The following CDH10 variants were observed in gnomAD, a reference collection of about 807,000 sequenced individuals.
The protein encoded by CDH10 is cadherin-10.
A neutral mutation model predicts 73.1 loss-of-function variants in CDH10; 30 were observed. That is an observed-to-expected ratio of 0.41 (90% confidence interval 0.31 to 0.56). The LOEUF (loss-of-function observed/expected upper bound fraction) is 0.56, where lower values mean the gene tolerates loss of function less well. CDH10 is among the 20% of genes least tolerant of loss of function. The probability of loss-of-function intolerance (pLI) is 0.27; values close to 1 mark genes in which losing one functional copy is unlikely to be tolerated. For missense variants in CDH10, 815 were observed against 973.7 expected, an observed-to-expected ratio of 0.84 and a Z score of 2.17; for synonymous variants, 345 against 348.2, an observed-to-expected ratio of 0.99 and a Z score of 0.10.
chr5:24,549,079 G>A (rs1411419571), intron 2 of CDH10, among the ~76,000 whole-genome samples: 1 of 152,138 alleles, frequency 6.6e-6, no homozygotes, highest in African/African-American at 2.4e-5. Context: ...ACAGAAAAAT[G>A]TAAGTTTAAT....
intron 2 of CDH10, among the ~76,000 whole-genome samples, chr5:24,541,985 T>C (rs1744172791): frequency 1.3e-5 from 2 of 152,246 alleles, no homozygotes; most frequent in Admixed American, 1.3e-4. Context: ...TTATATTGAG[T>C]AATTTTAATA....
chr5:24,502,204 G>C (rs1254786180), intron 8 of CDH10, among the ~76,000 whole-genome samples: 1 of 152,142 alleles, frequency 6.6e-6, no homozygotes, highest in African/African-American at 2.4e-5. Context: ...TTACAGGCGT[G>C]AGCCACCGCG....
chr5:24,568,894 G>T (rs1018158441), intron 2 of CDH10, among the ~76,000 whole-genome samples: 4 of 151,906 alleles, frequency 2.6e-5, no homozygotes, highest in Admixed American at 6.6e-5. Flanking sequence ...GGTGGATCAC[G>T]AGGTCAGGAG....
chr5:24,634,465 G>A (rs1281871311), intron 1 of CDH10, among the ~76,000 whole-genome samples: 5 of 151,516 alleles, frequency 3.3e-5, no homozygotes, highest in Admixed American at 2.6e-4. Flanking sequence ...TAGCCATCCT[G>A]ATGAATAAGC....
chr5:24,509,860 T>A (rs766262119), intron 6 of CDH10, 41 bp from the exon 7 acceptor site: 9 of 1,440,680 alleles, frequency 6.2e-6, no homozygotes, highest in Non-Finnish European at 7.7e-6. Context: ...GTGAGGGAAA[T>A]TGGATGATAT....
intron 3 of CDH10, among the ~76,000 whole-genome samples, chr5:24,536,374 A>C (rs2111886788): frequency 6.6e-6 from 1 of 152,190 alleles, no homozygotes; most frequent in African/African-American, 2.4e-5. Context: ...GACTGCCAGA[A>C]GTTCTTGGGA....
At chr5:24,599,562 G>T in intron 1 of CDH10, among the ~76,000 whole-genome samples, 1 of 152,158 alleles carries the variant, frequency 6.6e-6, no homozygotes, top group East Asian at 1.9e-4. Context: ...CTATGAGAAT[G>T]TGTAGAACAT....
chr5:24,491,024 A>G lies in CDH10; in HGVS notation c.1876+552T>C, dbSNP rs75315244. Reference sequence around the variant, plus strand: ...CTTCCAACCCCTACTTGATTCCCGTATGGAGGATGTTTCAGAAGAACCATT... The same window carrying G: ...CTTCCAACCCCTACTTGATTCCCGTGTGGAGGATGTTTCAGAAGAACCATT... On this transcript the variant is annotated intron_variant, in intron 11 of 11. Coordinates refer to ENST00000264463, the MANE Select transcript of CDH10 (RefSeq NM_006727.5). Among the ~76,000 whole-genome samples the G allele has an allele frequency of 9.0e-3, 1,364 of 152,250 alleles. 27 individuals are homozygous for G. The highest frequency in any genetic ancestry group is 0.031 in the African/African-American group (1,293 of 41,540).
rs1415648130 is a variant in CDH10, at chr5:24,550,391, A to T, written c.232-12717T>A. Reference sequence around the variant, plus strand: ...CATCTGGCTATAAATCTAAAAAAAAATGATGTATTCCACCACAATGGAATG... The same window carrying T: ...CATCTGGCTATAAATCTAAAAAAAATTGATGTATTCCACCACAATGGAATG... On this transcript the variant is annotated intron_variant, in intron 2 of 11. Coordinates refer to ENST00000264463, the MANE Select transcript of CDH10 (RefSeq NM_006727.5). Among the ~76,000 whole-genome samples the T allele has an allele frequency of 2.0e-5, 3 of 152,318 alleles. No homozygotes were observed. In the East Asian group the frequency reaches 5.8e-4, roughly 29 times the overall value.
chr5:24,556,438 A>G (rs1744771537), intron 2 of CDH10, among the ~76,000 whole-genome samples: 1 of 152,044 alleles, frequency 6.6e-6, no homozygotes, highest in African/African-American at 2.4e-5. Flanking sequence ...AATAAATAAA[A>G]TGTAACTGTG....
intron 8 of CDH10, among the ~76,000 whole-genome samples, chr5:24,501,415 G>C (rs1742490362): frequency 6.6e-6 from 1 of 152,134 alleles, no homozygotes; most frequent in Admixed American, 6.6e-5. Flanking sequence ...TTTTTGGCTG[G>C]CAGATGCTGT....
intron 2 of CDH10, among the ~76,000 whole-genome samples, chr5:24,579,202 C>T (rs1051441984): frequency 3.3e-5 from 5 of 151,692 alleles, no homozygotes; most frequent in Non-Finnish European, 7.4e-5. Context: ...TAAAAACAAC[C>T]TTAAGATACT....
chr5:24,566,936 C>A (rs893915127), intron 2 of CDH10, among the ~76,000 whole-genome samples: 2 of 152,014 alleles, frequency 1.3e-5, no homozygotes, highest in African/African-American at 4.8e-5. Context: ...AGAATGCCTA[C>A]ATATTTGGTA....
intron 1 of CDH10, among the ~76,000 whole-genome samples, chr5:24,616,280 T>G (rs1747125624): frequency 6.6e-6 from 1 of 152,180 alleles, no homozygotes; most frequent in African/African-American, 2.4e-5. Flanking sequence ...AGTGAATAAC[T>G]TCTGCATTTC....
At chr5:24,563,748 G>A (rs2111997604) in intron 2 of CDH10, among the ~76,000 whole-genome samples, 1 of 138,718 alleles carries the variant, frequency 7.2e-6, no homozygotes, top group African/African-American at 2.7e-5. Flanking sequence ...CAGCCTGGGC[G>A]ACAGAGCGAG....
chr5:24,605,975 C>A (rs1467730463), intron 1 of CDH10, among the ~76,000 whole-genome samples: 1 of 152,134 alleles, frequency 6.6e-6, no homozygotes, highest in East Asian at 1.9e-4. Context: ...GCCTCAAAAT[C>A]ATATACAATG....
At chr5:24,630,339 G>A (rs964936167) in intron 1 of CDH10, among the ~76,000 whole-genome samples, 5 of 151,904 alleles carry the variant, frequency 3.3e-5, no homozygotes, top group South Asian at 2.1e-4. Flanking sequence ...ATCACTTGAC[G>A]TCAGGAGTTT....
In CDH10 at chr5:24,570,744, G is replaced by T. The variant is rs145819205; in HGVS notation, c.231+22516C>A. ...TAAAACTGTCTGTATGAAATATAAA[G>T]AAAATGTCTGCTTATGATAGTTTTG... On this transcript the variant is annotated intron_variant, in intron 2 of 11. Transcript: ENST00000264463. Among the ~76,000 whole-genome samples, 7 of 151,996 alleles carry T rather than the reference G, an allele frequency of 4.6e-5. No homozygotes were observed. The East Asian group carries it at 1.4e-3, about 30-fold the overall frequency.
rs2111599492 is a variant in CDH10 at position 24,487,724 on chromosome 5, C to A, written c.2306G>T (p.Gly769Val). Residue 769 changes from glycine (G) to valine (V), a missense_variant, in exon 12 of 12, where the codon GGC becomes GTC. Physicochemically the swap from Gly to Val is moderately radical, Grantham distance 109. This residue lies in a region of CDH10 where 241 missense variants were observed against 240.3 expected (regional missense o/e 1.00). Transcript: ENST00000264463. Reference sequence around the variant, plus strand: ...TTCTGCTAGCTTATTAAACCGAGGGCCCCATTCTCGGAGGTAATCGTAGTT... The same window carrying A: ...TTCTGCTAGCTTATTAAACCGAGGGACCCATTCTCGGAGGTAATCGTAGTT... ...DQNYDYLREW[G>V]PRFNKLAEMY... 6.2e-7 allele frequency: 1 copy of A among 1,613,394 alleles called. No individual in the cohort carries two copies. The highest frequency in any genetic ancestry group is 8.5e-7 in the Non-Finnish European group (1 of 1,179,662).
Sources: gnomAD v4.1 joint callset for allele counts (sites outside exome capture counted in the v4.1 genomes callset) on GRCh38, gnomAD v4.1.1 for gene constraint, gnomAD v4.1.1 regional missense constraint, MANE v1.5 for transcripts, NCBI Gene and HGNC (gene_info 2026-07-23, HGNC 2026-07-21) for gene names.